Variants in SMIM22 observed in about 807,000 individuals in gnomAD.
The protein encoded by SMIM22 is cancer associated small integral membrane open reading frame 1.
A neutral mutation model predicts 8.4 loss-of-function variants in SMIM22; 16 were observed. That is an observed-to-expected ratio of 1.90 (90% CI 1.29 to 2.89). The LOEUF is 2.89. Ranked by LOEUF, SMIM22 falls within the 30% of genes most tolerant of loss-of-function variation. SMIM22 has a pLI of 0.00. For synonymous variants in SMIM22, 67 were observed against 47.6 expected (o/e 1.41, Z -1.68); for missense variants, 159 against 107.5 (o/e 1.48, Z -2.12).
At chr16:4,795,879 T>C (rs1159606517) in intron 2 of SMIM22, 21 bp downstream of exon 2, 1 of 1,535,198 alleles carries the variant, frequency 6.5e-7, no homozygotes, top group Admixed American at 2.0e-5. Flanking sequence ...CTGTGGCCTC[T>C]GGGTCCTCCC....
chr16:4,788,851 CTG>C (rs1381475242), intron 2 of SMIM22: 1 of 152,178 alleles, frequency 6.6e-6, no homozygotes, highest in Non-Finnish European at 1.5e-5. Context: ...CGCTCTGAGT[CTG>C]TGTGCTCACC....
exon 1 of SMIM22, chr16:4,788,509 C>T (rs138720230): frequency 6.6e-6 from 1 of 152,332 alleles, no homozygotes; most frequent in East Asian, 1.9e-4. Context: ...CCAAGTAGAA[C>T]CAGGGGCCCA....
At chr16:4,793,932 G>A (rs555364926), upstream of SMIM22, among the ~76,000 whole-genome samples, 107 of 145,574 alleles carry the variant, frequency 7.4e-4, no homozygotes, top group South Asian at 4.1e-3. Flanking sequence ...GTATGCCACC[G>A]CACCCAGCCA....
intron 1 of SMIM22, 70 bp downstream of exon 1, chr16:4,795,519 G>A (rs946676255): frequency 4.7e-6 from 3 of 645,038 alleles, no homozygotes; most frequent in Non-Finnish European, 7.7e-6. Flanking sequence ...TGGGGAGAAG[G>A]TTGTCAGGGT....
chr16:4,789,756 G>A (rs2082521589), intron 2 of SMIM22, among the ~76,000 whole-genome samples: 1 of 151,984 alleles, frequency 6.6e-6, no homozygotes. Flanking sequence ...ACCATGCCCA[G>A]CCTGATAAGC....
intron 2 of SMIM22, chr16:4,788,806 G>A (rs1357873677): frequency 6.6e-6 from 1 of 152,232 alleles, no homozygotes; most frequent in African/African-American, 2.4e-5. Flanking sequence ...TGATAGATAA[G>A]AGAGGGTCAG....
At chr16:4,789,288 T>A (rs1315868373) in intron 2 of SMIM22, among the ~76,000 whole-genome samples, 2 of 152,100 alleles carry the variant, frequency 1.3e-5, no homozygotes, top group African/African-American at 4.8e-5. Flanking sequence ...TTGGGATTAG[T>A]GAGCCACCAT....
intron 2 of SMIM22, among the ~76,000 whole-genome samples, chr16:4,789,300 C>A (rs1468547084): frequency 6.6e-6 from 1 of 152,022 alleles, no homozygotes; most frequent in Non-Finnish European, 1.5e-5. Context: ...AGCCACCATG[C>A]CTGGCCTTTT....
upstream of SMIM22, among the ~76,000 whole-genome samples, chr16:4,792,036 T>C (rs921453090): frequency 6.6e-6 from 1 of 151,804 alleles, no homozygotes; most frequent in Non-Finnish European, 1.5e-5. Flanking sequence ...CTTTAAGAGA[T>C]AGATACGACT....
intron 1 of SMIM22, 21 bp downstream of exon 1, chr16:4,795,470 T>C: frequency 2.0e-6 from 1 of 498,776 alleles, no homozygotes; most frequent in Non-Finnish European, 3.5e-6. Context: ...GCCTGGGGGC[T>C]GGGCTGCCAG....
intron 1 of SMIM22, 82 bp downstream of exon 1, chr16:4,795,531 A>G (rs1982514): frequency 0.5 from 352,701 of 699,308 alleles, 92,443 homozygotes; most frequent in African/African-American, 0.8. Context: ...TGTCAGGGTA[A>G]GGACCACAGG....
upstream of SMIM22, among the ~76,000 whole-genome samples, chr16:4,791,224 G>A (rs753586997): frequency 1.1e-4 from 16 of 152,330 alleles, no homozygotes; most frequent in African/African-American, 3.1e-4. Flanking sequence ...TGTAAGTGCC[G>A]TCAAAGGAGT....
chr16:4,788,973 C>T (rs1455222130), intron 2 of SMIM22, among the ~76,000 whole-genome samples: 1 of 152,210 alleles, frequency 6.6e-6, no homozygotes, highest in Non-Finnish European at 1.5e-5. Flanking sequence ...GCTTTCCAGA[C>T]TGTGGTCCTC....
chr16:4,793,571 T>G (rs1018745884), upstream of SMIM22, among the ~76,000 whole-genome samples: 1 of 152,040 alleles, frequency 6.6e-6, no homozygotes, highest in African/African-American at 2.4e-5. Context: ...AGTAGTAAAA[T>G]AGAGAAAATA....
Position 4,795,403 on chromosome 16 carries a change from TG to T in SMIM22, c.-66del. 3.3e-6 allele frequency: 1 copy of T among 300,994 alleles called. No homozygotes were observed. 18.6% of individuals were successfully genotyped at this position (300,994 alleles called of 1,614,324 possible). A position where few individuals can be genotyped will look rare whatever the true frequency, so the allele number is the denominator to read the frequency against. On this transcript the variant is annotated 5_prime_UTR_variant, in exon 1 of 4. Transcript: ENST00000586005. ...GGAGCCGGAAGCAGGAAGCAGCCTG[TG>T]CTCCCCAGGACCTGCCTGGTTGGGG...
At chr16:4,795,068 G>A (rs570892347), upstream of SMIM22, 1 of 152,670 alleles carries the variant, frequency 6.6e-6, no homozygotes, top group South Asian at 2.1e-4. Flanking sequence ...CAAGGGTCGT[G>A]GGATGCAGGT....
Position 4,795,994 on chromosome 16 carries a change from C to A in SMIM22, c.171C>A (p.Cys57Ter), listed in dbSNP as rs1199836384. 6.6e-7 allele frequency: 1 copy of A among 1,509,040 alleles called. No individual in the cohort carries two copies. Among genetic ancestry groups the A allele is most frequent in the Non-Finnish European group, 8.8e-7 (1 of 1,133,304 alleles). 93.5% of individuals were successfully genotyped at this position (1,509,040 alleles called of 1,614,324 possible). ...TGCTGGTCGTCGCCCACTGCTGCTG[C>A]TGCAGCTCCCCCGGGCCCCGCAGGG... ...LLLLVVAHCCCCSSPGPRRES... is the reference protein window; with the variant it reads ...LLLLVVAHCC The change falls in exon 3 of 4, where the codon TGC becomes TGA. Residue 57 changes from cysteine to a stop codon, truncating the protein, a stop_gained. Transcript: ENST00000586005. LOFTEE classifies it high-confidence loss of function.
upstream of SMIM22, among the ~76,000 whole-genome samples, chr16:4,793,960 T>G (rs1212128014): frequency 1.3e-5 from 2 of 149,348 alleles, no homozygotes; most frequent in African/African-American, 5.0e-5. Context: ...TTTTTTGAGA[T>G]AGTCTTGCTC....
At chr16:4,795,593 AG>A in intron 1 of SMIM22, 121 bp from the exon 2 acceptor site, 3 of 1,111,582 alleles carry the variant, frequency 2.7e-6, no homozygotes, top group Non-Finnish European at 3.6e-6. Flanking sequence ...GTGGAGTGGG[AG>A]GGGGTGGGGA....
Sources: allele counts gnomAD v4.1 joint callset (sites outside exome capture counted in the v4.1 genomes callset), GRCh38; gene constraint gnomAD v4.1.1; transcripts MANE v1.5; gene names NCBI Gene and HGNC (gene_info 2026-07-23, HGNC 2026-07-21).